Variants in PBX4 observed in about 807,000 individuals in gnomAD.
The protein encoded by PBX4 is PBX homeobox 4, also known as pre-B-cell leukemia transcription factor 4.
Under a neutral mutation model 35.1 loss-of-function variants are expected in PBX4, and 26 were observed. That is an observed-to-expected ratio of 0.74 (90% CI 0.54 to 1.03). The LOEUF is 1.03. PBX4 is among the 50% of genes least tolerant of loss of function. The probability of loss-of-function intolerance (pLI) is 0.00; values close to 1 mark genes in which losing one functional copy is unlikely to be tolerated. For missense variants in PBX4, 448 were observed against 504.3 expected (o/e 0.89, Z 1.07); for synonymous variants, 199 against 204.2 (o/e 0.97, Z 0.22).
intron 1 of PBX4, among the ~76,000 whole-genome samples, chr19:19,613,201 T>TA (rs1187553979): frequency 1.3e-5 from 2 of 150,540 alleles, no homozygotes; most frequent in African/African-American, 4.9e-5. Context: ...CGTGGTGGTT[T>TA]ATGCCTGTAA....
At chr19:19,573,385 CCCA>C (rs1389681514) in intron 2 of PBX4, among the ~76,000 whole-genome samples, 1 of 148,566 alleles carries the variant, frequency 6.7e-6, no homozygotes, top group African/African-American at 2.5e-5. Flanking sequence ...AGGATAGTGT[CCCA>C]CCTTCTCCAA....
intron 1 of PBX4, among the ~76,000 whole-genome samples, chr19:19,605,113 G>C (rs2061622007): frequency 6.6e-6 from 1 of 151,284 alleles, no homozygotes; most frequent in South Asian, 2.1e-4. Context: ...TGAAACCCCA[G>C]CTCTATAAGA....
chr19:19,600,264 T>C (rs2144772591), intron 1 of PBX4, among the ~76,000 whole-genome samples: 1 of 152,258 alleles, frequency 6.6e-6, no homozygotes, highest in Non-Finnish European at 1.5e-5. Flanking sequence ...TAGTGGCTCA[T>C]GTCTGTAATC....
intron 6 of PBX4, 95 bp downstream of exon 6, chr19:19,564,838 G>A: frequency 1.4e-6 from 2 of 1,452,302 alleles, no homozygotes; most frequent in African/African-American, 1.4e-5. Flanking sequence ...ACCACTGGGG[G>A]AAGGGAGATG....
In PBX4 at chr19:19,564,943, T is replaced by G; in HGVS notation, c.915A>C (p.Thr305=). 3.1e-6 allele frequency: 5 copies of G among 1,614,206 alleles called. No homozygotes were observed. The highest frequency in any genetic ancestry group is 4.2e-6 in the Non-Finnish European group (5 of 1,180,034). Residue 305 remains threonine, a synonymous_variant, in exon 6 of 8, where the codon ACA becomes ACC. Coordinates refer to ENST00000251203, the MANE Select transcript of PBX4 (RefSeq NM_025245.3). ...GCCAGCCTCACTCACCGGAGCTAGG[T>G]GTTGACAGGCAGCTGGCGTGGTTCC... is the stretch of plus-strand genomic sequence containing the variant. ...VPGNHASCLS[T]PSSGSSGPFP...
At chr19:19,579,322 AAC>A (rs2061439141) in intron 2 of PBX4, among the ~76,000 whole-genome samples, 1 of 152,014 alleles carries the variant, frequency 6.6e-6, no homozygotes, top group South Asian at 2.1e-4. Context: ...ACAGCCTGGC[AAC>A]AGAGTGAGAC....
intron 2 of PBX4, among the ~76,000 whole-genome samples, chr19:19,598,019 G>A (rs2061570942): frequency 6.6e-6 from 1 of 152,136 alleles, no homozygotes; most frequent in Non-Finnish European, 1.5e-5. Context: ...AATGGTCAGC[G>A]TCATTCATGG....
intron 5 of PBX4, among the ~76,000 whole-genome samples, chr19:19,565,402 G>A (rs2061335577): frequency 6.6e-6 from 1 of 152,222 alleles, no homozygotes; most frequent in Non-Finnish European, 1.5e-5. Context: ...TGGGCCGGGA[G>A]GGACAGCGCC....
At position 19,618,642 on chromosome 19, in the gene PBX4, C is replaced by A. The variant is rs1001789328; in HGVS notation, c.-13G>T. 9.1e-6 allele frequency: 11 copies of A among 1,211,824 alleles called. No homozygotes were observed. Among genetic ancestry groups the A allele is most frequent in the Admixed American group, 8.9e-5 (2 of 22,564 alleles). The allele number at this position is 1,211,824 out of a possible 1,614,324, so 75.1% of individuals were successfully genotyped here. On this transcript the variant is annotated 5_prime_UTR_variant, in exon 1 of 8. Coordinates refer to ENST00000251203, the MANE Select transcript of PBX4 (RefSeq NM_025245.3). Reference sequence around the variant, plus strand: ...GCGGGGCGGCCATGAGCGGCAGGGCCGGGCGGGCGCTGTGAGGGTGCCGTC... The same window carrying A: ...GCGGGGCGGCCATGAGCGGCAGGGCAGGGCGGGCGCTGTGAGGGTGCCGTC...
chr19:19,570,613 G>A lies in PBX4; in HGVS notation c.414C>T (p.Tyr138=), dbSNP rs770649657. 1.2e-5 allele frequency: 19 copies of A among 1,614,104 alleles called. No individual in the cohort carries two copies. Among genetic ancestry groups the A allele is most frequent in the Non-Finnish European group, 1.5e-5 (18 of 1,180,052 alleles). Residue 138 remains tyrosine (Y), a synonymous_variant, in exon 3 of 8, where the codon TAC becomes TAT. Transcript: ENST00000251203. ...GTTCATATTTCTCTAGCTCAGAGTGGTAAATCTGTCGGATCTGGGACAGCT... is the reference window on the plus strand; with the variant it reads ...GTTCATATTTCTCTAGCTCAGAGTGATAAATCTGTCGGATCTGGGACAGCT... ...RAKLSQIRQI[Y]HSELEKYEQA...
chr19:19,566,369 A>G (rs2061341914), intron 5 of PBX4, among the ~76,000 whole-genome samples: 1 of 152,214 alleles, frequency 6.6e-6, no homozygotes, highest in Non-Finnish European at 1.5e-5. Flanking sequence ...CCCTGGGCAG[A>G]TTCACATGGG....
rs200325194 is a variant in PBX4 at position 19,570,671 on chromosome 19, T to A, written c.356A>T (p.Asp119Val). ...GTATPGGCPN[D>V]NSIEHSDYRA... ...GTAGTCAGAGTGCTCAATGCTATTG[T>A]CATTTGGACAGCCACCTGGTGTTGC... The change falls in exon 3 of 8, where the codon GAC (aspartate) becomes GTC (valine). Residue 119 changes from aspartate to valine, a missense_variant. Physicochemically the swap from Asp to Val is radical, Grantham distance 152 (BLOSUM62 -3). Coordinates refer to ENST00000251203, the MANE Select transcript of PBX4 (RefSeq NM_025245.3). The A allele has an allele frequency of 9.9e-6, 16 of 1,614,048 alleles. No homozygotes were observed. In the African/African-American group the frequency reaches 2.0e-4, roughly 20 times the overall value.
intron 2 of PBX4, among the ~76,000 whole-genome samples, chr19:19,592,902 T>C (rs2061537547): frequency 6.6e-6 from 1 of 151,418 alleles, no homozygotes; most frequent in South Asian, 2.1e-4. Context: ...GTGTACGGGG[T>C]GGGGCGGCAT....
chr19:19,611,137 A>G (rs538093699), intron 1 of PBX4, among the ~76,000 whole-genome samples: 2 of 152,308 alleles, frequency 1.3e-5, no homozygotes, highest in South Asian at 2.1e-4. Flanking sequence ...TACATACTTT[A>G]TAAGTATATG....
At chr19:19,575,300 C>A (rs1210990578) in intron 2 of PBX4, among the ~76,000 whole-genome samples, 5 of 147,110 alleles carry the variant, frequency 3.4e-5, no homozygotes, top group Admixed American at 2.7e-4. Context: ...CACCCATGAG[C>A]GAGGACAGCC....
In PBX4 at chr19:19,580,691, G is replaced by C. The variant is rs771636790; in HGVS notation, c.194-9858C>G. 6.0e-4 allele frequency among the ~76,000 whole-genome samples: 91 copies of C among 152,200 alleles called. 2 individuals are homozygous for C. The highest frequency in any genetic ancestry group is 6.5e-4 in the Admixed American group (10 of 15,268). Reference sequence around the variant, plus strand: ...TCCCTAAACAAGGCCTCTGATATTGGAGGACAGGGATAGGGGAGGCAGGTG... The same window carrying C: ...TCCCTAAACAAGGCCTCTGATATTGCAGGACAGGGATAGGGGAGGCAGGTG... On this transcript the variant is annotated intron_variant, in intron 2 of 7. Transcript: ENST00000251203.
At chr19:19,581,223 G>T (rs1205689012) in intron 2 of PBX4, among the ~76,000 whole-genome samples, 11 of 152,188 alleles carry the variant, frequency 7.2e-5, no homozygotes, top group Admixed American at 7.2e-4. Flanking sequence ...TGACTTGTAT[G>T]TCTGTTTTAT....
rs931808511 is a variant in PBX4, at chr19:19,579,613, C to T, written c.194-8780G>A. ...GTGGGAACCATCTCTGGGACCCCAG[C>T]CCCATAGGGAGAAGGCTAACCCATG... On this transcript the variant is annotated intron_variant, in intron 2 of 7. Coordinates refer to ENST00000251203, the MANE Select transcript of PBX4 (RefSeq NM_025245.3). Among the ~76,000 whole-genome samples, 4 of 152,302 alleles carry T rather than the reference C, an allele frequency of 2.6e-5. No individual in the cohort carries two copies. The East Asian group carries it at 7.7e-4, about 29-fold the overall frequency.
intron 2 of PBX4, among the ~76,000 whole-genome samples, chr19:19,582,612 C>T (rs919697137): frequency 6.6e-6 from 1 of 152,198 alleles, no homozygotes; most frequent in African/African-American, 2.4e-5. Context: ...TGTACTCATT[C>T]TCCATGCCCA....
Sources: gnomAD v4.1 joint callset for allele counts (sites outside exome capture counted in the v4.1 genomes callset) on GRCh38, gnomAD v4.1.1 for gene constraint, MANE v1.5 for transcripts, NCBI Gene and HGNC (gene_info 2026-07-23, HGNC 2026-07-21) for gene names.